Variants in SARNP observed in about 807,000 individuals in gnomAD.
The protein encoded by SARNP is SAP domain-containing ribonucleoprotein.
In SARNP, 5 loss-of-function variants were observed where a neutral mutation model predicts 38.1. The ratio of observed to expected loss-of-function variants is 0.13; its 90% confidence interval spans 0.07 to 0.28. The LOEUF is 0.28. Among genes scored for constraint, SARNP ranks in the 10% least tolerant of loss-of-function variants. SARNP has a pLI of 1.00. For missense variants in SARNP, 180 were observed against 243.9 expected (o/e 0.74, Z 1.75); for synonymous variants, 84 against 80.6 (o/e 1.04, Z -0.23).
intron 8 of SARNP, 33 bp downstream of exon 8, chr12:55,790,534 T>C (rs1400098033): frequency 6.4e-7 from 1 of 1,554,228 alleles, no homozygotes; most frequent in South Asian, 1.2e-5. Flanking sequence ...AATTAAGATC[T>C]GGGTGTGTAA....
intron 9 of SARNP, among the ~76,000 whole-genome samples, chr12:55,775,875 C>T (rs1339213342): frequency 6.6e-6 from 1 of 152,162 alleles, no homozygotes. Flanking sequence ...ACTGAACCCA[C>T]ATATATAAGC....
chr12:55,816,766 CTTTT>C (rs1215923302), intron 1 of SARNP, among the ~76,000 whole-genome samples: 1 of 152,056 alleles, frequency 6.6e-6, no homozygotes, highest in Non-Finnish European at 1.5e-5. Context: ...AAATGTTCTT[CTTTT>C]TAATATATTT....
intron 9 of SARNP, among the ~76,000 whole-genome samples, chr12:55,763,340 C>T (rs1396139978): frequency 6.7e-6 from 1 of 150,048 alleles, no homozygotes; most frequent in African/African-American, 2.5e-5. Flanking sequence ...GAGACAGAGT[C>T]TCGCTCTGTC....
chr12:55,802,834 A>C (rs1880021524), intron 2 of SARNP, among the ~76,000 whole-genome samples: 1 of 151,722 alleles, frequency 6.6e-6, no homozygotes, highest in Admixed American at 6.6e-5. Context: ...AATTAAGTAA[A>C]ATGTGTGGTT....
At chr12:55,768,810 G>A (rs1018168447) in intron 9 of SARNP, among the ~76,000 whole-genome samples, 6 of 151,948 alleles carry the variant, frequency 3.9e-5, no homozygotes, top group African/African-American at 9.7e-5. Context: ...TGCAATCTCC[G>A]TCTCCTGGGT....
chr12:55,765,752 C>G (rs557948879), intron 9 of SARNP, among the ~76,000 whole-genome samples: 1 of 152,002 alleles, frequency 6.6e-6, no homozygotes, highest in Non-Finnish European at 1.5e-5. Flanking sequence ...AACAATACAT[C>G]GTTCCCCCAA....
chr12:55,792,703 G>C (rs1879709815), intron 7 of SARNP: 1 of 150,798 alleles, frequency 6.6e-6, no homozygotes, highest in African/African-American at 2.4e-5. Flanking sequence ...TTTAAATTCT[G>C]AGACAGGATC....
chr12:55,788,339 T>G (rs1030190909), intron 9 of SARNP, among the ~76,000 whole-genome samples: 1 of 152,196 alleles, frequency 6.6e-6, no homozygotes, highest in African/African-American at 2.4e-5. Context: ...ACTTTTTTTT[T>G]TTGTTCCACC....
At chr12:55,794,030 C>A in intron 7 of SARNP, 1 of 257,562 alleles carries the variant, frequency 3.9e-6, no homozygotes, top group Non-Finnish European at 7.4e-6. Flanking sequence ...CTTATAATAG[C>A]CAGTATAACA....
chr12:55,782,591 T>A (rs539255959), intron 9 of SARNP, among the ~76,000 whole-genome samples: 175 of 152,276 alleles, frequency 1.1e-3, no homozygotes, highest in African/African-American at 3.8e-3. Flanking sequence ...CTTTCTTTTT[T>A]AAAATTTTTT....
At chr12:55,787,241 T>TACAAAAA (rs1879524789) in intron 9 of SARNP, among the ~76,000 whole-genome samples, 6 of 103,474 alleles carry the variant, frequency 5.8e-5, no homozygotes, top group Admixed American at 5.6e-4. Context: ...CAAAAAAGAC[T>TACAAAAA]AAAAAAAAAA....
intron 10 of SARNP, among the ~76,000 whole-genome samples, chr12:55,759,242 A>G (rs1878602750): frequency 6.6e-6 from 1 of 152,148 alleles, no homozygotes; most frequent in South Asian, 2.1e-4. Context: ...GAAATGAGTT[A>G]GGCACAACCA....
intron 2 of SARNP, among the ~76,000 whole-genome samples, chr12:55,802,715 C>T (rs1880016677): frequency 6.6e-6 from 1 of 150,816 alleles, no homozygotes; most frequent in Admixed American, 6.6e-5. Context: ...AACACTCAAC[C>T]CATAGTATAA....
rs556083269 is a variant in SARNP at position 55,811,039 on chromosome 12, G to A, written c.36+6627C>T. Among the ~76,000 whole-genome samples the A allele has an allele frequency of 9.9e-5, 15 of 150,922 alleles. No individual in the cohort carries two copies. In the East Asian group the frequency reaches 2.9e-3, roughly 30 times the overall value. On this transcript the variant is annotated intron_variant, in intron 1 of 10. Coordinates refer to ENST00000336133, the MANE Select transcript of SARNP (RefSeq NM_033082.4). ...TTGCAGTGAGCCAAGCCAAGACCACGCCACTGCACTCCAGCCTGGGTGACA... is the reference window on the plus strand; with the variant it reads ...TTGCAGTGAGCCAAGCCAAGACCACACCACTGCACTCCAGCCTGGGTGACA...
At chr12:55,777,205 C>CA (rs1245364565) in intron 9 of SARNP, among the ~76,000 whole-genome samples, 1 of 152,018 alleles carries the variant, frequency 6.6e-6, no homozygotes, top group African/African-American at 2.4e-5. Context: ...TTAAAAGGTA[C>CA]AAGAGCTTAA....
At chr12:55,810,972 G>C (rs1045048015) in intron 1 of SARNP, among the ~76,000 whole-genome samples, 4 of 151,922 alleles carry the variant, frequency 2.6e-5, no homozygotes, top group Admixed American at 6.6e-5. Flanking sequence ...AGCTACTCGG[G>C]AGGCTGAGGC....
At chr12:55,793,688 A>G (rs12824144) in intron 7 of SARNP, 35,813 of 152,076 alleles carry the variant, frequency 0.24, 5,269 homozygotes, top group Middle Eastern at 0.36. Context: ...AGTGTCTACT[A>G]TGTATCCTTC....
At chr12:55,798,884 C>T (rs1387328796) in intron 4 of SARNP, among the ~76,000 whole-genome samples, 1 of 152,106 alleles carries the variant, frequency 6.6e-6, no homozygotes, top group Admixed American at 6.5e-5. Flanking sequence ...GATAATTATC[C>T]TGACTTTACA....
intron 1 of SARNP, among the ~76,000 whole-genome samples, chr12:55,816,901 C>A (rs1299608295): frequency 6.6e-6 from 1 of 151,938 alleles, no homozygotes; most frequent in East Asian, 1.9e-4. Context: ...AGGGCCCACC[C>A]GAGATATGAA....
Sources: gnomAD v4.1 joint callset for allele counts (sites outside exome capture counted in the v4.1 genomes callset) on GRCh38, gnomAD v4.1.1 for gene constraint, MANE v1.5 for transcripts, NCBI Gene and HGNC (gene_info 2026-07-23, HGNC 2026-07-21) for gene names.